The following HCRTR2 variants were observed in gnomAD, a reference collection of about 807,000 sequenced individuals.
HCRTR2 encodes the protein hypocretin receptor 2.
In HCRTR2, 22 loss-of-function variants were observed where a neutral mutation model predicts 49.0. The observed-to-expected ratio is 0.45, with a 90% CI of 0.32 to 0.64. The LOEUF is 0.64. Among genes scored for constraint, HCRTR2 ranks in the 30% least tolerant of loss-of-function variants. HCRTR2 has a pLI of 0.04. For synonymous variants in HCRTR2, 236 were observed against 205.3 expected (o/e 1.15, Z -1.28); for missense variants, 491 against 559.4 (o/e 0.88, Z 1.23).
intron 1 of HCRTR2, among the ~76,000 whole-genome samples, chr6:55,194,956 G>A (rs1449242595): frequency 6.6e-6 from 1 of 151,894 alleles, no homozygotes; most frequent in African/African-American, 2.4e-5. Context: ...AAACAAACAT[G>A]GAGTGACTCA....
At chr6:55,199,321 T>C (rs1765470233) in intron 1 of HCRTR2, among the ~76,000 whole-genome samples, 1 of 152,052 alleles carries the variant, frequency 6.6e-6, no homozygotes, top group African/African-American at 2.4e-5. Flanking sequence ...CATTTTGTCT[T>C]TGAAAATTTG....
intron 4 of HCRTR2, 22 bp downstream of exon 4, chr6:55,263,844 G>A: frequency 1.5e-6 from 2 of 1,328,776 alleles, no homozygotes; most frequent in South Asian, 1.2e-5. Context: ...CAAATATTTT[G>A]CGTGCATTAT....
At chr6:55,237,561 C>G (rs1177428116) in intron 1 of HCRTR2, among the ~76,000 whole-genome samples, 1 of 152,228 alleles carries the variant, frequency 6.6e-6, no homozygotes, top group Non-Finnish European at 1.5e-5. Flanking sequence ...CTCTGTTTCT[C>G]TTCTCCTGTT....
intron 1 of HCRTR2, among the ~76,000 whole-genome samples, chr6:55,218,769 T>C (rs2127294880): frequency 6.6e-6 from 1 of 152,230 alleles, no homozygotes; most frequent in Admixed American, 6.5e-5. Flanking sequence ...AAACAAATAT[T>C]AATGGAACTG....
At chr6:55,200,235 T>TTTTGTGTG (rs1491266236) in intron 1 of HCRTR2, among the ~76,000 whole-genome samples, 8 of 135,294 alleles carry the variant, frequency 5.9e-5, no homozygotes, top group East Asian at 4.5e-4. Flanking sequence ...GTTTGCTGTC[T>TTTTGTGTG]TGTGTGTGTG....
At chr6:55,131,399 G>C (rs1333377209) in intron 1 of HCRTR2, among the ~76,000 whole-genome samples, 1 of 151,742 alleles carries the variant, frequency 6.6e-6, no homozygotes, top group African/African-American at 2.4e-5. Flanking sequence ...AAGGTCCAAA[G>C]ATGATTTAAT....
At chr6:55,282,195 C>T (rs763736211) in intron 6 of HCRTR2, 30 bp from the exon 7 acceptor site, 1 of 1,492,756 alleles carries the variant, frequency 6.7e-7, no homozygotes, top group Non-Finnish European at 9.3e-7. Context: ...ATGTATAATT[C>T]CTTTTCCTTT....
chr6:55,155,596 C>A (rs1764719582), intron 1 of HCRTR2, among the ~76,000 whole-genome samples: 1 of 152,074 alleles, frequency 6.6e-6, no homozygotes, highest in Admixed American at 6.6e-5. Flanking sequence ...ATTTCAGAAA[C>A]ACTTCTCTGA....
chr6:55,193,756 A>G (rs946002588), intron 1 of HCRTR2, among the ~76,000 whole-genome samples: 1 of 152,084 alleles, frequency 6.6e-6, no homozygotes, highest in Non-Finnish European at 1.5e-5. Context: ...AAAAAAGGTC[A>G]TTTATGACCT....
intron 1 of HCRTR2, among the ~76,000 whole-genome samples, chr6:55,234,246 A>G (rs1306118964): frequency 2.0e-5 from 3 of 152,176 alleles, no homozygotes; most frequent in Admixed American, 2.0e-4. Context: ...GGTCATATAA[A>G]TTTTACACAA....
chr6:55,181,917 A>G (rs997648222), intron 1 of HCRTR2, among the ~76,000 whole-genome samples: 1 of 152,232 alleles, frequency 6.6e-6, no homozygotes, highest in African/African-American at 2.4e-5. Flanking sequence ...ATTTACAGTA[A>G]GAGTTTATTC....
upstream of HCRTR2, among the ~76,000 whole-genome samples, chr6:55,172,854 A>G (rs1439734512): frequency 6.6e-6 from 1 of 152,206 alleles, no homozygotes; most frequent in African/African-American, 2.4e-5. Context: ...ACTAAATCTC[A>G]GTGTAAACCA....
intron 2 of HCRTR2, among the ~76,000 whole-genome samples, chr6:55,252,463 T>G (rs1204726711): frequency 6.6e-6 from 1 of 152,152 alleles, no homozygotes; most frequent in Admixed American, 6.6e-5. Context: ...AGAGGATTGA[T>G]ATATCTCTAG....
chr6:55,207,974 AC>A (rs1218016231), intron 1 of HCRTR2, among the ~76,000 whole-genome samples: 1 of 152,138 alleles, frequency 6.6e-6, no homozygotes, highest in Non-Finnish European at 1.5e-5. Context: ...TATCTTGTCA[AC>A]TTTTTTGTTT....
intron 1 of HCRTR2, among the ~76,000 whole-genome samples, chr6:55,247,702 G>C (rs143929434): frequency 6.6e-6 from 1 of 152,232 alleles, no homozygotes; most frequent in African/African-American, 2.4e-5. Context: ...GAGGAACTGG[G>C]TGTTCTTTCA....
chr6:55,240,882 ATGT>A (rs1357236822), intron 1 of HCRTR2: 20 of 245,734 alleles, frequency 8.1e-5, no homozygotes, highest in Non-Finnish European at 1.5e-4. Context: ...TCATTTAGAA[ATGT>A]TGTTTTATTT....
intron 1 of HCRTR2, among the ~76,000 whole-genome samples, chr6:55,175,202 A>G (rs916315963): frequency 1.3e-4 from 19 of 151,912 alleles, no homozygotes; most frequent in Non-Finnish European, 2.5e-4. Flanking sequence ...GGGGGTTGGG[A>G]CGAGACAGAG....
chr6:55,220,426 C>T (rs1403035915), intron 1 of HCRTR2, among the ~76,000 whole-genome samples: 1 of 152,130 alleles, frequency 6.6e-6, no homozygotes, highest in African/African-American at 2.4e-5. Context: ...CAATGTGATA[C>T]ACTATATTAA....
At chr6:55,179,420 T>C (rs901663530) in intron 1 of HCRTR2, among the ~76,000 whole-genome samples, 1 of 152,192 alleles carries the variant, frequency 6.6e-6, no homozygotes, top group African/African-American at 2.4e-5. Context: ...CTAATCTGAA[T>C]AAGAATTAAT....
Sources: gnomAD v4.1 joint callset for allele counts (sites outside exome capture counted in the v4.1 genomes callset) on GRCh38, gnomAD v4.1.1 for gene constraint, MANE v1.5 for transcripts, NCBI Gene and HGNC (gene_info 2026-07-23, HGNC 2026-07-21) for gene names.